Variants in SLITRK3 observed in about 807,000 individuals in gnomAD.
The protein encoded by SLITRK3 is SLIT and NTRK-like protein 3.
SLITRK3 carries 16 observed loss-of-function variants against 63.6 expected under a neutral mutation model. The ratio of observed to expected loss-of-function variants is 0.25; its 90% confidence interval spans 0.17 to 0.38. The LOEUF (loss-of-function observed/expected upper bound fraction) is 0.38, where lower values mean the gene tolerates loss of function less well. Ranked by LOEUF, SLITRK3 falls within the 10% of genes least tolerant of loss-of-function variation. The pLI is 1.00. For missense variants in SLITRK3, 1,117 were observed against 1,181.4 expected (o/e 0.95, Z 0.80); for synonymous variants, 547 against 451.6 (o/e 1.21, Z -2.68).
In SLITRK3 at chr3:165,190,112, A is replaced by G; in HGVS notation, c.719T>C (p.Ile240Thr). ...EENPWNCTCE[I>T]VQLKSWLERI... ...TTCCAGCCAACTCTTCAGTTGTACA[A>G]TTTCACATGTACAGTTCCAAGGGTT... Residue 240 changes from isoleucine (I) to threonine (T), a missense_variant, in exon 2 of 2, where the codon ATT becomes ACT. Physicochemically the swap from Ile to Thr is moderately conservative, Grantham distance 89. This residue lies in a region of SLITRK3 where 452 missense variants were observed against 495.3 expected (regional missense o/e 0.91). Coordinates refer to ENST00000475390, the MANE Select transcript of SLITRK3 (RefSeq NM_001318810.2). 3.1e-6 allele frequency: 5 copies of G among 1,614,144 alleles called. No homozygotes were observed. Among genetic ancestry groups the G allele is most frequent in the South Asian group, 1.1e-5 (1 of 91,076 alleles).
chr3:165,195,852 A>G lies in SLITRK3; in HGVS notation c.-294T>C, dbSNP rs1261511523. On this transcript the variant is annotated 5_prime_UTR_variant, in exon 1 of 2. Coordinates refer to ENST00000475390, the MANE Select transcript of SLITRK3 (RefSeq NM_001318810.2). ...CGGCGATGCCAGCGACAGGGAGCTCACGACCACAGCTCCCTATGCCCTCGA... is the reference window on the plus strand; with the variant it reads ...CGGCGATGCCAGCGACAGGGAGCTCGCGACCACAGCTCCCTATGCCCTCGA... The G allele has an allele frequency of 2.0e-5, 3 of 152,696 alleles. No homozygotes were observed. The allele number at this position is 152,696 out of a possible 1,614,324, so 9.5% of individuals were successfully genotyped here. A position where few individuals can be genotyped will look rare whatever the true frequency, so the allele number is the denominator to read the frequency against.
At position 165,195,372 on chromosome 3, in the gene SLITRK3, G is replaced by A. The variant is rs915582404; in HGVS notation, c.-22+208C>T. On this transcript the variant is annotated intron_variant, in intron 1 of 1. Transcript: ENST00000475390. ...TACGATGTCTTCACCCAGAAAAGAG[G>A]TCCGAGGGTATGTTAGTCTCCGGTA... 2.6e-5 allele frequency among the ~76,000 whole-genome samples: 4 copies of A among 152,198 alleles called. 1 individual carries two copies. Among genetic ancestry groups the A allele is most frequent in the East Asian group, 3.9e-4 (2 of 5,144 alleles).
Position 165,189,706 on chromosome 3 carries a change from A to G in SLITRK3, c.1125T>C (p.Thr375=). 6.2e-7 allele frequency: 1 copy of G among 1,614,166 alleles called. No homozygotes were observed. The highest frequency in any genetic ancestry group is 8.5e-7 in the Non-Finnish European group (1 of 1,180,022). Residue 375 remains threonine (T), a synonymous_variant, in exon 2 of 2, where the codon ACT becomes ACC. Transcript: ENST00000475390. This position sits in a 1 kb window ranked among gnomAD's most constrained non-coding sequence, Gnocchi z 4.0. The part of the protein sequence containing the change: ...TRPPIPIICP[T]GCTCNLHIND... Reference sequence around the variant, plus strand: ...TGATGTGCAAATTACAGGTACACCCAGTGGGGCATATAATGGGGATTGGTG... The same window carrying G: ...TGATGTGCAAATTACAGGTACACCCGGTGGGGCATATAATGGGGATTGGTG...
In SLITRK3 at chr3:165,189,149, T is replaced by C; in HGVS notation, c.1682A>G (p.Glu561Gly). Reference protein sequence around the residue: ...LNAIVQIDLNENPWDCTCDLV... With the variant: ...LNAIVQIDLNGNPWDCTCDLV... ...GTCACAGGTGCAGTCCCAAGGATTC[T>C]CATTGAGGTCTATCTGGACAATGGC... Residue 561 changes from glutamate (E) to glycine (G), a missense_variant, in exon 2 of 2, where the codon GAG (glutamate) becomes GGG (glycine). Glu to Gly is a moderately conservative substitution (Grantham distance 98). This residue lies in a region of SLITRK3 where 158 missense variants were observed against 197.2 expected (regional missense o/e 0.80). Coordinates refer to ENST00000475390, the MANE Select transcript of SLITRK3 (RefSeq NM_001318810.2). This position sits in a 1 kb window ranked among gnomAD's most constrained non-coding sequence, Gnocchi z 4.0. 1 of 1,614,186 alleles carries C rather than the reference T, an allele frequency of 6.2e-7. No individual in the cohort carries two copies. Among genetic ancestry groups the C allele is most frequent in the Non-Finnish European group, 8.5e-7 (1 of 1,180,042 alleles).
intron 1 of SLITRK3, among the ~76,000 whole-genome samples, chr3:165,194,625 C>A (rs1016746489): frequency 2.0e-5 from 3 of 152,130 alleles, no homozygotes; most frequent in Non-Finnish European, 2.9e-5. Flanking sequence ...CCCTCCCCCC[C>A]ATCCCCCGCC....
At chr3:165,192,361 T>C (rs921063592) in intron 1 of SLITRK3, among the ~76,000 whole-genome samples, 2 of 152,162 alleles carry the variant, frequency 1.3e-5, no homozygotes, top group African/African-American at 4.8e-5. Context: ...TACATTGCAG[T>C]ATCAATTAGT....
rs1718412364 is a variant in SLITRK3 at position 165,196,249 on chromosome 3, G to A, written c.-691C>T. On this transcript the variant is annotated 5_prime_UTR_variant, in exon 1 of 2. Transcript: ENST00000475390. ...CCAGCATTGGTCAGACGGCGAAGGT[G>A]GGGGGAAAGAAGGAGAGGGGGAGAG... Among the ~76,000 whole-genome samples the A allele has an allele frequency of 6.7e-6, 1 of 150,056 alleles. No homozygotes were observed. The highest frequency in any genetic ancestry group is 6.6e-5 in the Admixed American group (1 of 15,056).
chr3:165,192,055 A>G (rs780584932), intron 1 of SLITRK3, among the ~76,000 whole-genome samples: 2 of 152,248 alleles, frequency 1.3e-5, no homozygotes, highest in African/African-American at 4.8e-5. Context: ...TCACTAAAAT[A>G]TCAATCAAAA....
In SLITRK3 at chr3:165,188,382, C is replaced by T; in HGVS notation, c.2449G>A (p.Glu817Lys). ...NYRTLLEKEK[E>K]WALAVSSSQL... ...GAGCTGGACACTGCTAGGGCCCACT[C>T]CTTCTCTTTTTCCAGCAAGGTCCGG... The change falls in exon 2 of 2, where the codon GAG becomes AAG. Residue 817 changes from glutamate (E) to lysine (K), a missense_variant. Around this residue, in one of 4 missense-constraint regions of SLITRK3, gnomAD observed 499 missense variants for 463.6 expected, o/e 1.08. Transcript: ENST00000475390. 6.2e-6 allele frequency: 10 copies of T among 1,613,958 alleles called. No individual in the cohort carries two copies. The highest frequency in any genetic ancestry group is 6.8e-6 in the Non-Finnish European group (8 of 1,179,996).
rs1718187007 is a variant in SLITRK3 at position 165,190,776 on chromosome 3, G to T, written c.55C>A (p.Leu19Ile). 1 of 1,612,184 alleles carries T rather than the reference G, an allele frequency of 6.2e-7. No individual in the cohort carries two copies. The highest frequency in any genetic ancestry group is 1.3e-5 in the African/African-American group (1 of 74,952). ...LHRGRMLWIILLSTIALGWTT... is the reference protein window; with the variant it reads ...LHRGRMLWIIILSTIALGWTT... Reference sequence around the variant, plus strand: ...CATCCTAGAGCAATTGTGCTTAGAAGAATTATCCACAACATCCTTCCTCTG... The same window carrying T: ...CATCCTAGAGCAATTGTGCTTAGAATAATTATCCACAACATCCTTCCTCTG... The change falls in exon 2 of 2, where the codon CTT becomes ATT. Residue 19 changes from leucine to isoleucine, a missense_variant. This residue lies in a region of SLITRK3 where 452 missense variants were observed against 495.3 expected (regional missense o/e 0.91). Transcript: ENST00000475390.
At chr3:165,192,660 G>T (rs1024779064) in intron 1 of SLITRK3, among the ~76,000 whole-genome samples, 8 of 151,376 alleles carry the variant, frequency 5.3e-5, no homozygotes, top group African/African-American at 1.9e-4. Flanking sequence ...AAGCAAAAGG[G>T]GATAAAGGGG....
chr3:165,191,068 C>T (rs1718206295), intron 1 of SLITRK3, among the ~76,000 whole-genome samples: 1 of 152,152 alleles, frequency 6.6e-6, no homozygotes, highest in African/African-American at 2.4e-5. Context: ...TGACATTTTC[C>T]TGAACCAAGC....
Position 165,189,965 on chromosome 3 carries a change from A to G in SLITRK3, c.866T>C (p.Val289Ala). The G allele has an allele frequency of 6.2e-7, 1 of 1,614,156 alleles. No individual in the cohort carries two copies. Among genetic ancestry groups the G allele is most frequent in the East Asian group, 2.2e-5 (1 of 44,866 alleles). Residue 289 changes from valine to alanine, a missense_variant, in exon 2 of 2, where the codon GTA (valine) becomes GCA (alanine). Transcript: ENST00000475390. This position sits in a 1 kb window ranked among gnomAD's most constrained non-coding sequence, Gnocchi z 4.0. ...ATGTGGAATTCCCAAACTAGCCTCT[A>G]CCTCAGAGTCAGACAACAAGGGACA... is the stretch of plus-strand genomic sequence containing the variant. ...ELCPLLSDSE[V>A]EASLGIPHSS...
rs1264832256 is a variant in SLITRK3 at position 165,189,763 on chromosome 3, G to A, written c.1068C>T (p.Asn356=). The change falls in exon 2 of 2, where the codon AAC becomes AAT. Residue 356 remains asparagine, a synonymous_variant. Coordinates refer to ENST00000475390, the MANE Select transcript of SLITRK3 (RefSeq NM_001318810.2). This position sits in a 1 kb window ranked among gnomAD's most constrained non-coding sequence, Gnocchi z 4.0. ...STSQALYPGP[N]QPPIAPYQTR... ...TCTGATAAGGAGCAATGGGAGGCTG[G>A]TTTGGACCAGGATATAAAGCTTGGG... is the stretch of plus-strand genomic sequence containing the variant. 6.2e-7 allele frequency: 1 copy of A among 1,614,060 alleles called. No homozygotes were observed. The highest frequency in any genetic ancestry group is 8.5e-7 in the Non-Finnish European group (1 of 1,180,042).
In SLITRK3 at chr3:165,188,800, G is replaced by A. The variant is rs201998690; in HGVS notation, c.2031C>T (p.Tyr677=). ...GCTTCTTTCGACGCCTTCGGAGCAC[G>A]TAGGCAAAGAGGCCTGCAGCAACAA... ...AVFVAAGLFA[Y]VLRRRRKKLP... The change falls in exon 2 of 2, where the codon TAC becomes TAT. Residue 677 remains tyrosine (Y), a synonymous_variant. Coordinates refer to ENST00000475390, the MANE Select transcript of SLITRK3 (RefSeq NM_001318810.2). 2.4e-5 allele frequency: 39 copies of A among 1,614,030 alleles called. No homozygotes were observed. The highest frequency in any genetic ancestry group is 1.3e-4 in the East Asian group (6 of 44,880).
At position 165,188,523 on chromosome 3, in the gene SLITRK3, G is replaced by C; in HGVS notation, c.2308C>G (p.Gln770Glu). Residue 770 changes from glutamine to glutamate, a missense_variant, in exon 2 of 2, where the codon CAA becomes GAA. Around this residue, in one of 4 missense-constraint regions of SLITRK3, gnomAD observed 499 missense variants for 463.6 expected, o/e 1.08. Coordinates refer to ENST00000475390, the MANE Select transcript of SLITRK3 (RefSeq NM_001318810.2). ...CCACGTTCTGCACTCCCTGCTTCTT[G>C]GGCTGATGAAACAGCCACCTCCTCC... ...EEEEVAVSSA[Q>E]EAGSAERGGP... 6.2e-7 allele frequency: 1 copy of C among 1,613,940 alleles called. No homozygotes were observed. Among genetic ancestry groups the C allele is most frequent in the Non-Finnish European group, 8.5e-7 (1 of 1,180,012 alleles).
In SLITRK3 at chr3:165,190,700, C is replaced by T; in HGVS notation, c.131G>A (p.Cys44Tyr). Residue 44 changes from cysteine to tyrosine, a missense_variant, in exon 2 of 2, where the codon TGT (cysteine) becomes TAT (tyrosine). Physicochemically the swap from Cys to Tyr is radical, Grantham distance 194 (BLOSUM62 -2). Coordinates refer to ENST00000475390, the MANE Select transcript of SLITRK3 (RefSeq NM_001318810.2). ...AACTTCACAGTAGCATGGATCAAAA[C>T]AGGGCTCATCTATTTCCTCTGAGTC... ...IEDSEEIDEP[C>Y]FDPCYCEVKE... 6.2e-7 allele frequency: 1 copy of T among 1,614,114 alleles called. No individual in the cohort carries two copies. Among genetic ancestry groups the T allele is most frequent in the Non-Finnish European group, 8.5e-7 (1 of 1,179,992 alleles).
chr3:165,196,897 G>GTCTCTCTCTCTCGCTCTC (rs1718451065), upstream of SLITRK3: 24 of 96,474 alleles, frequency 2.5e-4, no homozygotes, highest in African/African-American at 8.4e-4. Context: ...CTCTCTCTCT[G>GTCTCTCTCTCTCGCTCTC]TCTCTCTCTC....
In SLITRK3 at chr3:165,190,656, T is replaced by C; in HGVS notation, c.175A>G (p.Ile59Val). ...YCEVKESLFHIHCDSKGFTNI... is the reference protein window; with the variant it reads ...YCEVKESLFHVHCDSKGFTNI... ...GTAAATCCTTTACTGTCACAATGTA[T>C]ATGAAAGAGGCTTTCTTTAACTTCA... Residue 59 changes from isoleucine (I) to valine (V), a missense_variant, in exon 2 of 2, where the codon ATA becomes GTA. By Grantham distance (29) the Ile-to-Val change is conservative (BLOSUM62 3). Coordinates refer to ENST00000475390, the MANE Select transcript of SLITRK3 (RefSeq NM_001318810.2). The C allele has an allele frequency of 1.2e-6, 2 of 1,614,116 alleles. No homozygotes were observed. The highest frequency in any genetic ancestry group is 1.7e-6 in the Non-Finnish European group (2 of 1,179,990).
Sources: gnomAD v4.1 joint callset for allele counts (sites outside exome capture counted in the v4.1 genomes callset) on GRCh38, gnomAD v4.1.1 for gene constraint, gnomAD v4.1.1 regional missense constraint, Gnocchi (gnomAD v3.1) non-coding constraint, MANE v1.5 for transcripts, NCBI Gene and HGNC (gene_info 2026-07-23, HGNC 2026-07-21) for gene names.